Variants in TRIM2 observed in about 807,000 individuals in gnomAD.
TRIM2 encodes the protein tripartite motif-containing protein 2.
A neutral mutation model predicts 75.2 loss-of-function variants in TRIM2; 20 were observed. That is an observed-to-expected ratio of 0.27 (90% CI 0.19 to 0.39). The LOEUF (loss-of-function observed/expected upper bound fraction) is 0.39. TRIM2 is among the 10% of genes least tolerant of loss of function. The pLI, the probability that TRIM2 is intolerant of heterozygous loss-of-function variation, is 1.00. For missense variants in TRIM2, 660 were observed against 990.8 expected (o/e 0.67, Z 4.48); for synonymous variants, 373 against 388.3 (o/e 0.96, Z 0.46).
At chr4:153,326,369 T>G (rs367932789) in intron 10 of TRIM2, among the ~76,000 whole-genome samples, 25 of 152,216 alleles carry the variant, frequency 1.6e-4, no homozygotes, top group African/African-American at 5.8e-4. Context: ...AACCATAGCC[T>G]TTCGTTGTTG....
intron 8 of TRIM2, 125 bp downstream of exon 8, chr4:153,316,124 T>C (rs918661244): frequency 4.0e-5 from 36 of 893,984 alleles, no homozygotes; most frequent in Non-Finnish European, 5.7e-5. Flanking sequence ...CACAAAGATA[T>C]CTGACATCTA....
chr4:153,270,893 CA>C (rs1279678736), intron 2 of TRIM2, among the ~76,000 whole-genome samples: 1 of 152,134 alleles, frequency 6.6e-6, no homozygotes. Context: ...TCCCATATAA[CA>C]AATCAGGTAA....
intron 1 of TRIM2, chr4:153,222,274 A>T (rs1307233111): frequency 6.6e-6 from 1 of 152,016 alleles, no homozygotes. Context: ...AACTGTCATG[A>T]TGGAGGCCGG....
intron 1 of TRIM2, among the ~76,000 whole-genome samples, chr4:153,238,237 A>G (rs975404557): frequency 3.3e-5 from 5 of 152,226 alleles, no homozygotes; most frequent in African/African-American, 1.2e-4. Flanking sequence ...CCATAAGCCA[A>G]TTAACACATC....
upstream of TRIM2, among the ~76,000 whole-genome samples, chr4:153,200,640 A>G (rs1000038762): frequency 1.3e-5 from 2 of 151,286 alleles, no homozygotes; most frequent in Admixed American, 1.3e-4. Flanking sequence ...GAACCATTTT[A>G]CATTCCACCA....
At chr4:153,208,473 A>G in intron 1 of TRIM2, among the ~76,000 whole-genome samples, 1 of 151,808 alleles carries the variant, frequency 6.6e-6, no homozygotes, top group African/African-American at 2.4e-5. Context: ...TAAATCTAAA[A>G]CTCATTTATG....
At chr4:153,305,376 G>T (rs1764756857) in intron 6 of TRIM2, among the ~76,000 whole-genome samples, 1 of 152,180 alleles carries the variant, frequency 6.6e-6, no homozygotes, top group Non-Finnish European at 1.5e-5. Flanking sequence ...AGGCAAAGTA[G>T]GTAGTACTAG....
intron 1 of TRIM2, among the ~76,000 whole-genome samples, chr4:153,215,709 TTAAA>T (rs1263585406): frequency 6.6e-6 from 1 of 152,268 alleles, no homozygotes; most frequent in Admixed American, 6.5e-5. Flanking sequence ...AAAAGGTTTC[TTAAA>T]TAAAACCCCT....
At chr4:153,263,189 T>C (rs72729603) in intron 1 of TRIM2, among the ~76,000 whole-genome samples, 13,013 of 152,152 alleles carry the variant, frequency 0.086, 718 homozygotes, top group Middle Eastern at 0.13. Flanking sequence ...ATTAGCTGGG[T>C]GTGGTGGTGC....
At chr4:153,283,501 T>C (rs373448424) in intron 3 of TRIM2, among the ~76,000 whole-genome samples, 1 of 152,358 alleles carries the variant, frequency 6.6e-6, no homozygotes, top group East Asian at 1.9e-4. Context: ...TTATGAATAA[T>C]GCTGCTGTGA....
intron 6 of TRIM2, chr4:153,307,870 C>G: frequency 1.3e-6 from 1 of 743,576 alleles, no homozygotes; most frequent in Non-Finnish European, 2.5e-6. Flanking sequence ...TTCAACATGT[C>G]CACTTCATTG....
At chr4:153,301,027 C>G (rs1763789341) in intron 6 of TRIM2, among the ~76,000 whole-genome samples, 1 of 151,936 alleles carries the variant, frequency 6.6e-6, no homozygotes, top group Admixed American at 6.6e-5. Context: ...CTCATCTCTA[C>G]TGAAAATACA....
intron 1 of TRIM2, among the ~76,000 whole-genome samples, chr4:153,178,412 G>A (rs977367256): frequency 1.3e-5 from 2 of 152,138 alleles, no homozygotes; most frequent in African/African-American, 4.8e-5. Flanking sequence ...GAGAACAAAC[G>A]ATTAAAAAAG....
At chr4:153,286,049 G>A (rs1419161560) in intron 3 of TRIM2, among the ~76,000 whole-genome samples, 1 of 152,010 alleles carries the variant, frequency 6.6e-6, no homozygotes, top group Non-Finnish European at 1.5e-5. Context: ...AAAAGATATT[G>A]GATTTTGTTA....
chr4:153,276,050 G>C lies in TRIM2; in HGVS notation c.373G>C (p.Ala125Pro). 6.2e-7 allele frequency: 1 copy of C among 1,614,202 alleles called. No homozygotes were observed. Among genetic ancestry groups the C allele is most frequent in the South Asian group, 1.1e-5 (1 of 91,082 alleles). The part of the protein sequence containing the change: ...DVLQRTPGSN[A>P]EESSILETVT... ...GCTGCAGCGAACTCCAGGCAGCAAC[G>C]CTGAGGAGTCTTCCATCCTGGAGAC... The change falls in exon 3 of 12, where the codon GCT becomes CCT. Residue 125 changes from alanine to proline, a missense_variant. Transcript: ENST00000338700.
Position 153,244,389 on chromosome 4 carries a change from TC to T in TRIM2, c.31-25945del, listed in dbSNP as rs1560874840. 2.8e-3 allele frequency among the ~76,000 whole-genome samples: 220 copies of T among 78,810 alleles called. 26 individuals are homozygous for T. Among genetic ancestry groups the T allele is most frequent in the Admixed American group, 0.013 (92 of 6,854 alleles). 51.7% of individuals were successfully genotyped at this position (78,810 alleles called of 152,430 possible). ...TTCTTCTTCTTCTTCTTCTTCTTCT[TC>T]TTCTTCTTCTTCTTCTTCTTCTTCT... On this transcript the variant is annotated intron_variant, in intron 1 of 11. Transcript: ENST00000338700.
intron 1 of TRIM2, among the ~76,000 whole-genome samples, chr4:153,244,351 CTTCCTCT>C (rs1748059554): frequency 5.5e-5 from 2 of 36,344 alleles, no homozygotes; most frequent in Non-Finnish European, 8.8e-5. Flanking sequence ...TCTTCTTCTT[CTTCCTCT>C]TCTTCTTCTT....
chr4:153,156,269 T>C (rs932013877), intron 1 of TRIM2, among the ~76,000 whole-genome samples: 2 of 152,138 alleles, frequency 1.3e-5, no homozygotes, highest in African/African-American at 4.8e-5. Flanking sequence ...TGAAGAAACA[T>C]CTCTTGGCCT....
Position 153,315,553 on chromosome 4 carries a change from A to G in TRIM2, c.1579A>G (p.Ile527Val), listed in dbSNP as rs1248764064. Residue 527 changes from isoleucine (I) to valine (V), a missense_variant, in exon 7 of 12, where the codon ATA (isoleucine) becomes GTA (valine). Ile to Val is a conservative substitution (Grantham distance 29, BLOSUM62 3). This residue lies in a region of TRIM2 where 620 missense variants were observed against 891.0 expected (regional missense o/e 0.70). Coordinates refer to ENST00000338700, the MANE Select transcript of TRIM2 (RefSeq NM_015271.5). ...QGVAASTNGK[I>V]LIADSNNQCV... is the part of the protein sequence containing the mutation. ...GGTAGCTGCATCTACAAATGGAAAG[A>G]TATTAATTGCAGACAGTAACAACCA... 2.5e-6 allele frequency: 4 copies of G among 1,611,782 alleles called. No homozygotes were observed. Among genetic ancestry groups the G allele is most frequent in the Non-Finnish European group, 3.4e-6 (4 of 1,179,488 alleles).
Sources: allele counts gnomAD v4.1 joint callset (sites outside exome capture counted in the v4.1 genomes callset), GRCh38; gene constraint gnomAD v4.1.1; regional missense constraint gnomAD v4.1.1; transcripts MANE v1.5; gene names NCBI Gene and HGNC (gene_info 2026-07-23, HGNC 2026-07-21).